The following GPC6 variants were observed in gnomAD, a reference collection of about 807,000 sequenced individuals.
GPC6 encodes the protein glypican 6, also known as glypican-6.
GPC6 carries 14 observed loss-of-function variants against 55.2 expected under a neutral mutation model. That is an observed-to-expected ratio of 0.25 (90% CI 0.17 to 0.40). GPC6 has a LOEUF of 0.40. Among genes scored for constraint, GPC6 ranks in the 10% least tolerant of loss-of-function variants. GPC6 has a pLI of 1.00. For missense variants in GPC6, 641 were observed against 708.5 expected, an observed-to-expected ratio of 0.90 and a Z score of 1.08; for synonymous variants, 278 against 259.6, an observed-to-expected ratio of 1.07 and a Z score of -0.68.
intron 1 of GPC6, among the ~76,000 whole-genome samples, chr13:93,534,082 T>C (rs1267459798): frequency 6.6e-6 from 1 of 152,090 alleles, no homozygotes; most frequent in African/African-American, 2.4e-5. Flanking sequence ...AGTAGTATTC[T>C]GAAGGAGTAT....
chr13:93,807,164 G>A (rs1299764317), intron 2 of GPC6, among the ~76,000 whole-genome samples: 1 of 152,068 alleles, frequency 6.6e-6, no homozygotes, highest in African/African-American at 2.4e-5. Context: ...TACACTTCTT[G>A]CCACATTGCT....
chr13:93,349,442 T>C (rs146449960), intron 1 of GPC6, among the ~76,000 whole-genome samples: 55 of 152,272 alleles, frequency 3.6e-4, no homozygotes, highest in Non-Finnish European at 6.0e-4. Context: ...CTACACTAAA[T>C]GTTGGGTATA....
intron 4 of GPC6, among the ~76,000 whole-genome samples, chr13:94,192,154 G>T (rs973171348): frequency 7.2e-5 from 11 of 152,066 alleles, no homozygotes; most frequent in African/African-American, 2.4e-4. Context: ...TTACATAGAG[G>T]TTGCTTAAAT....
chr13:93,253,716 T>C (rs995165959), intron 1 of GPC6, among the ~76,000 whole-genome samples: 2 of 152,172 alleles, frequency 1.3e-5, no homozygotes, highest in African/African-American at 4.8e-5. Context: ...CTCTCTTCAA[T>C]AGAAGATCAT....
chr13:94,075,063 T>C (rs1382619444), intron 4 of GPC6, among the ~76,000 whole-genome samples: 1 of 152,212 alleles, frequency 6.6e-6, no homozygotes, highest in Non-Finnish European at 1.5e-5. Context: ...AACCCCTAAG[T>C]TACAACACAT....
intron 3 of GPC6, among the ~76,000 whole-genome samples, chr13:93,843,525 A>G (rs1349505067): frequency 6.6e-6 from 1 of 152,168 alleles, no homozygotes; most frequent in Admixed American, 6.6e-5. Flanking sequence ...ATCTGAATCT[A>G]TGTCAGATTA....
chr13:94,013,182 T>C (rs1882314718), intron 3 of GPC6, among the ~76,000 whole-genome samples: 1 of 150,970 alleles, frequency 6.6e-6, no homozygotes, highest in African/African-American at 2.4e-5. Flanking sequence ...TTCTAATGAA[T>C]GAAAAATATC....
At chr13:94,343,469 C>A (rs899443306) in intron 6 of GPC6, among the ~76,000 whole-genome samples, 11 of 152,072 alleles carry the variant, frequency 7.2e-5, no homozygotes, top group African/African-American at 1.9e-4. Context: ...GATACAGGGA[C>A]AGAAAAAGAA....
chr13:94,135,253 C>CAAAAAAAA (rs10535164), intron 4 of GPC6, among the ~76,000 whole-genome samples: 2 of 137,514 alleles, frequency 1.5e-5, no homozygotes, highest in Non-Finnish European at 3.1e-5. Context: ...AGCTAGTATG[C>CAAAAAAAA]AAAAAAAAAA....
intron 4 of GPC6, among the ~76,000 whole-genome samples, chr13:94,038,058 CTA>C (rs1883404045): frequency 6.6e-6 from 1 of 151,674 alleles, no homozygotes. Flanking sequence ...GCCTTAGAAA[CTA>C]AATTTTTTAT....
chr13:93,739,641 G>C (rs1018594346), intron 2 of GPC6, among the ~76,000 whole-genome samples: 1 of 152,032 alleles, frequency 6.6e-6, no homozygotes, highest in African/African-American at 2.4e-5. Flanking sequence ...TTGTTAGCCA[G>C]GATGGTCTCG....
At chr13:94,251,220 A>G (rs1455702429) in intron 4 of GPC6, among the ~76,000 whole-genome samples, 1 of 150,332 alleles carries the variant, frequency 6.7e-6, no homozygotes, top group Admixed American at 6.7e-5. Flanking sequence ...AAAACCAAAC[A>G]CCATGTTCTC....
chr13:93,431,070 C>T (rs186464956), intron 1 of GPC6, among the ~76,000 whole-genome samples: 31 of 152,198 alleles, frequency 2.0e-4, no homozygotes, highest in Non-Finnish European at 3.4e-4. Flanking sequence ...TAAGACATAA[C>T]AATCTTTAGT....
chr13:93,770,230 G>C (rs78364373), intron 2 of GPC6, among the ~76,000 whole-genome samples: 1,861 of 152,060 alleles, frequency 0.012, 20 homozygotes, highest in Admixed American at 0.019. Context: ...TTATTGCGTG[G>C]TTTATTACAT....
At chr13:93,606,015 T>C (rs1878224951) in intron 2 of GPC6, among the ~76,000 whole-genome samples, 2 of 152,102 alleles carry the variant, frequency 1.3e-5, no homozygotes, top group African/African-American at 4.8e-5. Flanking sequence ...GATGGAAATA[T>C]AGAGATACAT....
intron 1 of GPC6, among the ~76,000 whole-genome samples, chr13:93,349,972 A>G (rs908530581): frequency 2.0e-5 from 3 of 152,194 alleles, no homozygotes; most frequent in Admixed American, 6.5e-5. Flanking sequence ...TGCTCTCTTG[A>G]AATTGTATGT....
intron 1 of GPC6, among the ~76,000 whole-genome samples, chr13:93,469,164 A>T (rs1393728883): frequency 6.6e-6 from 1 of 152,210 alleles, no homozygotes; most frequent in East Asian, 1.9e-4. Context: ...AATGTATTAT[A>T]AATGAAATTT....
intron 4 of GPC6, among the ~76,000 whole-genome samples, chr13:94,282,530 C>T (rs1201541160): frequency 6.6e-6 from 1 of 152,186 alleles, no homozygotes; most frequent in Non-Finnish European, 1.5e-5. Flanking sequence ...GGGGACACAG[C>T]CAAACCATAT....
chr13:94,317,812 G>A (rs552926760), intron 6 of GPC6, among the ~76,000 whole-genome samples: 5 of 152,060 alleles, frequency 3.3e-5, no homozygotes, highest in South Asian at 2.1e-4. Flanking sequence ...AACTTGGATC[G>A]TAGTATGACA....
Sources: gnomAD v4.1 joint callset for allele counts (sites outside exome capture counted in the v4.1 genomes callset) on GRCh38, gnomAD v4.1.1 for gene constraint, MANE v1.5 for transcripts, NCBI Gene and HGNC (gene_info 2026-07-23, HGNC 2026-07-21) for gene names.